The following TMEM131 variants were observed in gnomAD, a reference collection of about 807,000 sequenced individuals.
TMEM131 encodes the protein transmembrane protein 131.
A neutral mutation model predicts 211.6 loss-of-function variants in TMEM131; 66 were observed. That is an observed-to-expected ratio of 0.31 (90% confidence interval 0.26 to 0.38). The LOEUF is 0.38. TMEM131 is among the 10% of genes least tolerant of loss of function. TMEM131 has a pLI of 1.00. For missense variants in TMEM131, 2,036 were observed against 2,299.3 expected, an observed-to-expected ratio of 0.89 and a Z score of 2.34; for synonymous variants, 844 against 841.3, an observed-to-expected ratio of 1.00 and a Z score of -0.06.
chr2:97,837,795 G>A lies in TMEM131; in HGVS notation c.724-638C>T, dbSNP rs151113700. Among the ~76,000 whole-genome samples, 182 of 152,028 alleles carry A rather than the reference G, an allele frequency of 1.2e-3. 3 individuals carry two copies. Among genetic ancestry groups the A allele is most frequent in the African/African-American group, 4.2e-3 (173 of 41,442 alleles). Reference sequence around the variant, plus strand: ...CTGATGAATCCTGACCTATGTGTTTGGGCATAAAACCATCACTGTAATTAA... The same window carrying A: ...CTGATGAATCCTGACCTATGTGTTTAGGCATAAAACCATCACTGTAATTAA... On this transcript the variant is annotated intron_variant, in intron 7 of 40. Coordinates refer to ENST00000186436, the MANE Select transcript of TMEM131 (RefSeq NM_015348.2).
chr2:97,972,719 TG>T, intron 1 of TMEM131, among the ~76,000 whole-genome samples: 1 of 152,290 alleles, frequency 6.6e-6, no homozygotes, highest in South Asian at 2.1e-4. Flanking sequence ...GAGGTTATTC[TG>T]GGTTACCTAG....
At chr2:97,957,644 TA>T (rs567024657) in intron 1 of TMEM131, among the ~76,000 whole-genome samples, 34 of 147,696 alleles carry the variant, frequency 2.3e-4, no homozygotes, top group Middle Eastern at 3.5e-3. Context: ...GACATTAGTT[TA>T]AAAAAAAAAA....
chr2:97,806,960 G>C (rs941499125), intron 19 of TMEM131, among the ~76,000 whole-genome samples: 1 of 152,150 alleles, frequency 6.6e-6, no homozygotes, highest in Non-Finnish European at 1.5e-5. Flanking sequence ...GGCAGTCACC[G>C]CACTTGGCGT....
At chr2:97,882,190 T>C (rs1229495248) in intron 4 of TMEM131, among the ~76,000 whole-genome samples, 1 of 152,200 alleles carries the variant, frequency 6.6e-6, no homozygotes, top group Non-Finnish European at 1.5e-5. Flanking sequence ...TGGGGTAGCT[T>C]TGTGATATCA....
At chr2:97,782,430 T>C (rs964691881) in intron 31 of TMEM131, among the ~76,000 whole-genome samples, 34 of 152,116 alleles carry the variant, frequency 2.2e-4, no homozygotes, top group Non-Finnish European at 1.5e-4. Context: ...AATACCCAAA[T>C]GGTCCAGGTT....
At position 97,794,011 on chromosome 2, in the gene TMEM131, A is replaced by C. The variant is rs903567296; in HGVS notation, c.3387-458T>G. 3.3e-4 allele frequency among the ~76,000 whole-genome samples: 50 copies of C among 149,376 alleles called. No individual in the cohort carries two copies. In the South Asian group the frequency reaches 6.4e-3, roughly 19 times the overall value. ...TCTGTCTCAAAAAAAAAAAAAAAAA[A>C]AAAACAAAAAACCCACAGTTTTATG... On this transcript the variant is annotated intron_variant, in intron 29 of 40. Coordinates refer to ENST00000186436, the MANE Select transcript of TMEM131 (RefSeq NM_015348.2).
chr2:97,837,289 ATG>A, intron 7 of TMEM131, 132 bp from the exon 8 acceptor site: 1 of 600,990 alleles, frequency 1.7e-6, no homozygotes, highest in Non-Finnish European at 2.9e-6. Flanking sequence ...AACGTAGGAT[ATG>A]TATAATATCA....
chr2:97,963,167 C>G (rs753046402), intron 1 of TMEM131, among the ~76,000 whole-genome samples: 2 of 152,092 alleles, frequency 1.3e-5, no homozygotes, highest in African/African-American at 4.8e-5. Flanking sequence ...AATTATACCT[C>G]AATAGAGTTG....
chr2:97,965,286 C>G (rs1425114708), intron 1 of TMEM131, among the ~76,000 whole-genome samples: 1 of 152,316 alleles, frequency 6.6e-6, no homozygotes, highest in African/African-American at 2.4e-5. Context: ...CCGATTAATT[C>G]TTTTCCTCAT....
chr2:97,794,283 G>T (rs945622051), intron 29 of TMEM131, among the ~76,000 whole-genome samples: 1 of 151,940 alleles, frequency 6.6e-6, no homozygotes, highest in Non-Finnish European at 1.5e-5. Context: ...TGATCTGCCC[G>T]CCTCGGCCTC....
At chr2:97,919,637 C>G (rs891737673) in intron 2 of TMEM131, among the ~76,000 whole-genome samples, 4 of 152,172 alleles carry the variant, frequency 2.6e-5, no homozygotes, top group African/African-American at 9.7e-5. Context: ...ATGGCACGAT[C>G]TCAGCTCACT....
At position 97,811,154 on chromosome 2, in the gene TMEM131, C is replaced by G; in HGVS notation, c.1942G>C (p.Ala648Pro). The change falls in exon 18 of 41, where the codon GCC becomes CCC. Residue 648 changes from alanine (A) to proline (P), a missense_variant. Ala to Pro is a conservative substitution (Grantham distance 27). Around this residue, in one of 3 missense-constraint regions of TMEM131, gnomAD observed 1,623 missense variants for 1,805.9 expected, o/e 0.90. Coordinates refer to ENST00000186436, the MANE Select transcript of TMEM131 (RefSeq NM_015348.2). ...TCATAGTCTGTTGTGATCTGGATGGCTCCATCATGAATCCCCTCTAATTTT... is the reference window on the plus strand; with the variant it reads ...TCATAGTCTGTTGTGATCTGGATGGGTCCATCATGAATCCCCTCTAATTTT... ...AKKLEGIHDG[A>P]IQITTDYEIL... 1 of 1,613,708 alleles carries G rather than the reference C, an allele frequency of 6.2e-7. No homozygotes were observed.
At chr2:97,757,471 C>T (rs1678558209) in intron 40 of TMEM131, 88 bp from the exon 41 acceptor site, 3 of 1,388,736 alleles carry the variant, frequency 2.2e-6, no homozygotes, top group Non-Finnish European at 2.9e-6. Context: ...AAAGATGAGG[C>T]TGGGGCACGC....
chr2:97,949,749 G>A (rs1008205270), intron 1 of TMEM131, among the ~76,000 whole-genome samples: 1 of 147,794 alleles, frequency 6.8e-6, no homozygotes, highest in African/African-American at 2.5e-5. Flanking sequence ...GAACCTGGGA[G>A]GCAGCGCTTG....
intron 12 of TMEM131, among the ~76,000 whole-genome samples, chr2:97,815,678 G>A (rs1159289096): frequency 6.6e-6 from 1 of 152,132 alleles, no homozygotes; most frequent in African/African-American, 2.4e-5. Flanking sequence ...AGGCTGTTGT[G>A]TGTACTGTAG....
chr2:97,797,128 TACAC>T, intron 26 of TMEM131, 142 bp from the exon 27 acceptor site: 1 of 1,026,528 alleles, frequency 9.7e-7, no homozygotes. Context: ...AATTCAAAAA[TACAC>T]AGAGAAGAGC....
intron 18 of TMEM131, among the ~76,000 whole-genome samples, 169 bp from the exon 19 acceptor site, chr2:97,809,943 T>A (rs1164960143): frequency 6.6e-6 from 1 of 152,124 alleles, no homozygotes; most frequent in Non-Finnish European, 1.5e-5. Context: ...CTGTCCAATG[T>A]ACTCCATAAA....
In TMEM131 at chr2:97,796,450, T is replaced by G. The variant is rs1490442509; in HGVS notation, c.3014-46A>C. 14 of 1,204,470 alleles carry G rather than the reference T, an allele frequency of 1.2e-5. No individual in the cohort carries two copies. In the Admixed American group the frequency reaches 2.4e-4, roughly 21 times the overall value. The allele number at this position is 1,204,470 out of a possible 1,614,324, so 74.6% of individuals were successfully genotyped here. A position where few individuals can be genotyped will look rare whatever the true frequency, so the allele number is the denominator to read the frequency against. ...AATAAGACTAAATCTTGCCATCATGTGCTCCCAGTCCAAATGATAAATACA... is the reference window on the plus strand; with the variant it reads ...AATAAGACTAAATCTTGCCATCATGGGCTCCCAGTCCAAATGATAAATACA... On this transcript the variant is annotated intron_variant, in intron 27 of 40. Coordinates refer to ENST00000186436, the MANE Select transcript of TMEM131 (RefSeq NM_015348.2).
chr2:97,851,270 C>T (rs1360978875), intron 5 of TMEM131, among the ~76,000 whole-genome samples: 1 of 152,080 alleles, frequency 6.6e-6, no homozygotes, highest in Non-Finnish European at 1.5e-5. Flanking sequence ...TGAAATCTAA[C>T]ATGTCCAAAT....
Sources: allele counts gnomAD v4.1 joint callset (sites outside exome capture counted in the v4.1 genomes callset), GRCh38; gene constraint gnomAD v4.1.1; regional missense constraint gnomAD v4.1.1; transcripts MANE v1.5; gene names NCBI Gene and HGNC (gene_info 2026-07-23, HGNC 2026-07-21).